GNPTAB: variants seen among roughly 807,000 people sequenced by gnomAD.
GNPTAB encodes N-acetylglucosamine-1-phosphate transferase subunits alpha and beta.
A neutral mutation model predicts 136.6 loss-of-function variants in GNPTAB; 92 were observed. That is an observed-to-expected ratio of 0.67 (90% confidence interval 0.57 to 0.80). The LOEUF is 0.80. Among genes scored for constraint, GNPTAB ranks in the 30% least tolerant of loss-of-function variants. The probability of loss-of-function intolerance (pLI) is 0.00; values close to 1 mark genes in which losing one functional copy is unlikely to be tolerated. For missense variants in GNPTAB, 1,343 were observed against 1,501.8 expected (o/e 0.89, Z 1.75); for synonymous variants, 512 against 535.1 (o/e 0.96, Z 0.60).
chr12:101,783,102 C>T (rs959337042), intron 5 of GNPTAB, among the ~76,000 whole-genome samples: 5 of 151,632 alleles, frequency 3.3e-5, no homozygotes, highest in East Asian at 3.9e-4. Context: ...TCGTGTTTAC[C>T]GTCTGACTCT....
At chr12:101,749,776 C>T (rs1010861851) in intron 19 of GNPTAB, among the ~76,000 whole-genome samples, 1 of 152,206 alleles carries the variant, frequency 6.6e-6, no homozygotes, top group African/African-American at 2.4e-5. Context: ...TAGAGTGGCA[C>T]GGTGGCCAGC....
chr12:101,764,414 GC>G lies in GNPTAB; in HGVS notation c.2502del (p.Lys834AsnfsTer5), dbSNP rs1953053396. 2.5e-6 allele frequency: 4 copies of G among 1,613,182 alleles called. No homozygotes were observed. Among genetic ancestry groups the G allele is most frequent in the Non-Finnish European group, 3.4e-6 (4 of 1,179,990 alleles). On this transcript the variant is annotated frameshift_variant, in exon 13 of 21. Coordinates refer to ENST00000299314, the MANE Select transcript of GNPTAB (RefSeq NM_024312.5). LOFTEE classifies it high-confidence loss of function. ...KTIGGNVTKE[K>X]PPSLIVPLES... is the part of the protein sequence containing the mutation. ...TCCAGTGGAACAATCAGAGATGGGG[GC>G]TTTTCTTTTGTCACATTTCCGCCTA... is the stretch of plus-strand genomic sequence containing the variant.
At chr12:101,760,665 C>A (rs1392580647) in intron 15 of GNPTAB, among the ~76,000 whole-genome samples, 1 of 151,986 alleles carries the variant, frequency 6.6e-6, no homozygotes. Context: ...ATAATTCTAG[C>A]ACTAAAACAG....
At chr12:101,766,425 G>T (rs544396467) in intron 11 of GNPTAB, 131 bp from the exon 12 acceptor site, 1 of 781,752 alleles carries the variant, frequency 1.3e-6, no homozygotes, top group East Asian at 2.7e-5. Flanking sequence ...ATCACCTGAG[G>T]TCAGGAGTTT....
chr12:101,788,440 A>C, intron 4 of GNPTAB, 108 bp downstream of exon 4: 1 of 769,066 alleles, frequency 1.3e-6, no homozygotes, highest in Admixed American at 1.9e-5. Context: ...CAAAAACTAT[A>C]TGGATAATAA....
At position 101,750,268 on chromosome 12, in the gene GNPTAB, A is replaced by C. The variant is rs1016774337; in HGVS notation, c.3603-1077T>G. Among the ~76,000 whole-genome samples the C allele has an allele frequency of 2.6e-5, 4 of 152,206 alleles. No homozygotes were observed. In the South Asian group the frequency reaches 6.2e-4, roughly 24 times the overall value. On this transcript the variant is annotated intron_variant, in intron 19 of 20. Coordinates refer to ENST00000299314, the MANE Select transcript of GNPTAB (RefSeq NM_024312.5). ...CTACCAAACTCTGGCCTCTGTGCTG[A>C]GTTACAGATTCTCATTTTCCACTGT...
intron 7 of GNPTAB, chr12:101,773,517 T>C (rs1953214411): frequency 6.2e-6 from 1 of 161,424 alleles, no homozygotes; most frequent in African/African-American, 2.4e-5. Flanking sequence ...GTGTCTAGTT[T>C]AATTTCATAA....
intron 1 of GNPTAB, among the ~76,000 whole-genome samples, chr12:101,812,785 T>C (rs1466933306): frequency 6.6e-6 from 1 of 152,048 alleles, no homozygotes; most frequent in African/African-American, 2.4e-5. Flanking sequence ...GTCAGAGTTG[T>C]TCCTCTCCAT....
chr12:101,780,733 G>T, intron 5 of GNPTAB, 112 bp from the exon 6 acceptor site: 1 of 786,508 alleles, frequency 1.3e-6, no homozygotes, highest in Non-Finnish European at 2.2e-6. Context: ...ATAATATATG[G>T]TCCAAAAAAA....
chr12:101,824,476 G>A (rs375644125), intron 1 of GNPTAB, among the ~76,000 whole-genome samples: 2 of 13,946 alleles, frequency 1.4e-4, no homozygotes, highest in African/African-American at 6.0e-4. Context: ...TTTTTGTTTT[G>A]TTTTGTTTGA....
chr12:101,764,153 T>C, intron 13 of GNPTAB, 49 bp downstream of exon 13: 12 of 1,612,436 alleles, frequency 7.4e-6, no homozygotes, highest in Non-Finnish European at 9.3e-6. Flanking sequence ...ATCATGAGAT[T>C]ATTTACTCTT....
chr12:101,811,724 T>G (rs1452025144), intron 1 of GNPTAB, among the ~76,000 whole-genome samples: 1 of 151,038 alleles, frequency 6.6e-6, no homozygotes, highest in African/African-American at 2.4e-5. Context: ...CTGCAACCTC[T>G]GCCTCCCGGG....
chr12:101,757,453 C>T (rs1229335894), intron 17 of GNPTAB, 119 bp downstream of exon 17: 5 of 766,042 alleles, frequency 6.5e-6, no homozygotes, highest in Non-Finnish European at 1.1e-5. Flanking sequence ...CTACAGCAAA[C>T]AATCTCATAT....
intron 19 of GNPTAB, among the ~76,000 whole-genome samples, chr12:101,752,145 C>T (rs758864592): frequency 2.0e-5 from 3 of 152,106 alleles, no homozygotes; most frequent in African/African-American, 2.4e-5. Context: ...AAATTAGGGC[C>T]GGATACGGTG....
intron 2 of GNPTAB, among the ~76,000 whole-genome samples, chr12:101,795,642 A>G (rs1250936878): frequency 6.6e-6 from 1 of 151,988 alleles, no homozygotes; most frequent in Non-Finnish European, 1.5e-5. Context: ...AATCCCAGCT[A>G]CTTGGGAGGC....
At chr12:101,830,508 G>A (rs1286275890) in intron 1 of GNPTAB, 51 bp downstream of exon 1, 1 of 954,294 alleles carries the variant, frequency 1.0e-6, no homozygotes, top group Non-Finnish European at 1.7e-6. Flanking sequence ...GGCACGGCGA[G>A]GGCAGTGCAG....
chr12:101,776,973 G>C (rs919215), intron 7 of GNPTAB, among the ~76,000 whole-genome samples: 94,505 of 152,122 alleles, frequency 0.62, 30,306 homozygotes, highest in East Asian at 0.92. Flanking sequence ...TCTGACATGC[G>C]ACGTACACCC....
rs1010986729 is a variant in GNPTAB, at chr12:101,773,967, C to T, written c.772-2810G>A. Among the ~76,000 whole-genome samples, 17 of 152,308 alleles carry T rather than the reference C, an allele frequency of 1.1e-4. No individual in the cohort carries two copies. The East Asian group carries it at 3.3e-3, about 29-fold the overall frequency. On this transcript the variant is annotated intron_variant, in intron 7 of 20. Transcript: ENST00000299314. ...TGCAAAAGGGAACAACTTCTATACC[C>T]ACTCCCTACAGACCCACAGTGAACA...
At chr12:101,810,509 A>G (rs2137174559) in intron 1 of GNPTAB, 1 of 150,724 alleles carries the variant, frequency 6.6e-6, no homozygotes, top group East Asian at 1.9e-4. Context: ...TTTAAGGTCA[A>G]ATTTAGCAAC....
Sources: gnomAD v4.1 joint callset for allele counts (sites outside exome capture counted in the v4.1 genomes callset) on GRCh38, gnomAD v4.1.1 for gene constraint, MANE v1.5 for transcripts, NCBI Gene and HGNC (gene_info 2026-07-23, HGNC 2026-07-21) for gene names.